The following COL21A1 variants were observed in gnomAD, a reference collection of about 807,000 sequenced individuals.
COL21A1 encodes collagen alpha-1(XXI) chain.
In COL21A1, 149 loss-of-function variants were observed where a neutral mutation model predicts 137.9. The ratio of observed to expected loss-of-function variants is 1.08; its 90% CI spans 0.95 to 1.24. The LOEUF is 1.24. Ranked by LOEUF, COL21A1 falls within the 50% of genes most tolerant of loss-of-function variation. COL21A1 has a pLI of 0.00. For synonymous variants in COL21A1, 456 were observed against 391.5 expected (o/e 1.16, Z -1.95); for missense variants, 1,167 against 1,158.4 (o/e 1.01, Z -0.11).
At chr6:56,129,677 T>TGC (rs1312610434) in intron 12 of COL21A1, among the ~76,000 whole-genome samples, 3 of 63,552 alleles carry the variant, frequency 4.7e-5, no homozygotes, top group Admixed American at 2.9e-4. Flanking sequence ...CGTGCGTGCG[T>TGC]GTGTGTGTGT....
intron 1 of COL21A1, among the ~76,000 whole-genome samples, chr6:56,381,894 A>G (rs1453349337): frequency 1.3e-5 from 2 of 152,216 alleles, no homozygotes; most frequent in African/African-American, 4.8e-5. Flanking sequence ...TCAGACTCTG[A>G]TAGCAACACT....
At chr6:56,310,436 A>C (rs1764582951) in intron 1 of COL21A1, among the ~76,000 whole-genome samples, 1 of 152,182 alleles carries the variant, frequency 6.6e-6, no homozygotes. Context: ...CAGTATTTTT[A>C]GCACTCCCCA....
intron 1 of COL21A1, among the ~76,000 whole-genome samples, chr6:56,271,565 C>G (rs1001502323): frequency 6.6e-6 from 1 of 152,218 alleles, no homozygotes; most frequent in Non-Finnish European, 1.5e-5. Context: ...GGGAGGAATT[C>G]AAGCCAGCTG....
rs534238680 is a variant in COL21A1 at position 56,338,638 on chromosome 6, G to GGAAGACCAGCC, written c.-39+55322_-39+55332dup. 1.5e-4 allele frequency among the ~76,000 whole-genome samples: 23 copies of GGAAGACCAGCC among 152,272 alleles called. No individual in the cohort carries two copies. In the South Asian group the frequency reaches 4.2e-3, roughly 27 times the overall value. ...TCTCCCTTTGATCAAAGATTCAGGC[G>GGAAGACCAGCC]GAAGACCAGCCAGCCTGCTACATAA... On this transcript the variant is annotated intron_variant, in intron 1 of 28. Coordinates refer to the COL21A1 transcript ENST00000370819.
At chr6:56,378,711 C>T (rs548781860) in intron 1 of COL21A1, among the ~76,000 whole-genome samples, 4 of 152,242 alleles carry the variant, frequency 2.6e-5, no homozygotes, top group African/African-American at 9.6e-5. Flanking sequence ...GATTATAGAG[C>T]CCCAGGGCCT....
chr6:56,124,392 G>A (rs1772830779), intron 14 of COL21A1, 100 bp from the exon 15 acceptor site: 1 of 1,160,674 alleles, frequency 8.6e-7, no homozygotes, highest in African/African-American at 1.5e-5. Context: ...ACATCATTAT[G>A]TAGTAAAAAC....
At position 56,075,363 on chromosome 6, in the gene COL21A1, C is replaced by T. The variant is rs1478929760; in HGVS notation, c.1911+116G>A. The T allele has an allele frequency of 4.1e-6, 3 of 737,662 alleles. No individual in the cohort carries two copies. In the East Asian group the frequency reaches 9.4e-5, roughly 23 times the overall value. The allele number at this position is 737,662 out of a possible 1,614,324, so 45.7% of individuals were successfully genotyped here. On this transcript the variant is annotated intron_variant, in intron 19 of 29. Transcript: ENST00000244728. ...ACAACAGAATGGAATTCATGGACCT[C>T]AAATATTTTATTGCTGTATCCCCTA...
intron 12 of COL21A1, among the ~76,000 whole-genome samples, chr6:56,133,168 A>G (rs1773707900): frequency 6.6e-6 from 1 of 152,044 alleles, no homozygotes; most frequent in Non-Finnish European, 1.5e-5. Context: ...AAAGTTTTGA[A>G]CTCCCCAGAG....
chr6:56,075,428 G>C, intron 19 of COL21A1, 51 bp downstream of exon 19: 3 of 1,419,326 alleles, frequency 2.1e-6, no homozygotes, highest in Non-Finnish European at 2.9e-6. Context: ...CTAGTAGGTA[G>C]TAGCAACACT....
chr6:56,161,225 A>C (rs930568209), intron 9 of COL21A1, among the ~76,000 whole-genome samples: 2 of 152,192 alleles, frequency 1.3e-5, no homozygotes, highest in African/African-American at 4.8e-5. Flanking sequence ...CAGAGCAAAG[A>C]AGTTATTAAA....
intron 1 of COL21A1, among the ~76,000 whole-genome samples, chr6:56,347,517 T>TTAA (rs1554184704): frequency 3.9e-5 from 5 of 127,178 alleles, no homozygotes; most frequent in Admixed American, 8.0e-5. Flanking sequence ...AGGAAGCATT[T>TTAA]AAAAAAAAAA....
rs769198494 is a variant in COL21A1, at chr6:56,156,867, A to T, written c.1434+20T>A. 2.1e-5 allele frequency: 33 copies of T among 1,599,512 alleles called. No homozygotes were observed. The highest frequency in any genetic ancestry group is 2.8e-5 in the Non-Finnish European group (33 of 1,169,156). ...TGTAATCCCAGATATACCGGAGATG[A>T]CTAAGCTTTCAGTACTCACAGGCTT... On this transcript the variant is annotated intron_variant, in intron 10 of 29. Transcript: ENST00000244728.
At chr6:56,177,637 T>C (rs1170079985) in intron 3 of COL21A1, among the ~76,000 whole-genome samples, 2 of 151,226 alleles carry the variant, frequency 1.3e-5, no homozygotes, top group Middle Eastern at 3.2e-3. Flanking sequence ...TACTAAAAAA[T>C]AGAAAAAATT....
intron 1 of COL21A1, among the ~76,000 whole-genome samples, chr6:56,210,427 G>A (rs1373262411): frequency 6.6e-6 from 1 of 152,064 alleles, no homozygotes; most frequent in Non-Finnish European, 1.5e-5. Context: ...AATAAAACAT[G>A]ATGGAGAAAC....
intron 1 of COL21A1, chr6:56,231,182 G>C (rs1030563429): frequency 6.6e-6 from 1 of 151,822 alleles, no homozygotes; most frequent in Non-Finnish European, 1.5e-5. Flanking sequence ...TGACATTCAG[G>C]AGACCCAAAT....
chr6:56,257,845 G>A (rs72877942), intron 1 of COL21A1, among the ~76,000 whole-genome samples: 2,234 of 151,808 alleles, frequency 0.015, 21 homozygotes, highest in South Asian at 0.024. Flanking sequence ...AAAAACAGGT[G>A]GCCGGTCAGA....
chr6:56,373,116 TCA>T (rs1562076393), intron 1 of COL21A1, among the ~76,000 whole-genome samples: 1 of 152,112 alleles, frequency 6.6e-6, no homozygotes, highest in Non-Finnish European at 1.5e-5. Flanking sequence ...CATCCCAGGT[TCA>T]GTGTCAGGTC....
chr6:56,259,457 A>G (rs1470699008), intron 1 of COL21A1, among the ~76,000 whole-genome samples: 2 of 152,218 alleles, frequency 1.3e-5, no homozygotes, highest in African/African-American at 4.8e-5. Flanking sequence ...AATTAAAATC[A>G]CCATAGCTTC....
At chr6:56,288,254 G>A (rs202175160) in intron 1 of COL21A1, among the ~76,000 whole-genome samples, 40,298 of 145,796 alleles carry the variant, frequency 0.28, 6,723 homozygotes, top group Non-Finnish European at 0.38. Flanking sequence ...AAAAATAAAA[G>A]AAAAAAAAAA....
Sources: allele counts gnomAD v4.1 joint callset (sites outside exome capture counted in the v4.1 genomes callset), GRCh38; gene constraint gnomAD v4.1.1; transcripts MANE v1.5; gene names NCBI Gene and HGNC (gene_info 2026-07-23, HGNC 2026-07-21).